The following GALNTL6 variants were observed in gnomAD, a reference collection of about 807,000 sequenced individuals.
The protein encoded by GALNTL6 is polypeptide N-acetylgalactosaminyltransferase like 6.
Under a neutral mutation model 73.7 loss-of-function variants are expected in GALNTL6, and 46 were observed. The observed-to-expected ratio is 0.62, with a 90% confidence interval of 0.49 to 0.80. The LOEUF (loss-of-function observed/expected upper bound fraction) is 0.80. GALNTL6 is among the 30% of genes least tolerant of loss of function. GALNTL6 has a pLI of 0.00. For missense variants in GALNTL6, 604 were observed against 755.0 expected, an observed-to-expected ratio of 0.80 and a Z score of 2.34; for synonymous variants, 259 against 263.7, an observed-to-expected ratio of 0.98 and a Z score of 0.17.
intron 2 of GALNTL6, among the ~76,000 whole-genome samples, chr4:171,965,409 C>G (rs1739355515): frequency 6.6e-6 from 1 of 152,014 alleles, no homozygotes; most frequent in African/African-American, 2.4e-5. Flanking sequence ...GTAATCCCAG[C>G]ACTTTGGGAA....
chr4:172,557,016 G>A (rs922306272), intron 5 of GALNTL6, among the ~76,000 whole-genome samples: 5 of 152,092 alleles, frequency 3.3e-5, no homozygotes, highest in Non-Finnish European at 5.9e-5. Context: ...TTCCCAAACT[G>A]TTCTCCACAG....
At chr4:172,968,292 G>A (rs2126399715) in intron 10 of GALNTL6, among the ~76,000 whole-genome samples, 1 of 152,296 alleles carries the variant, frequency 6.6e-6, no homozygotes, top group East Asian at 1.9e-4. Context: ...CGCCCAATAG[G>A]AGAAGAGCCT....
chr4:172,637,875 T>C (rs945375403), intron 5 of GALNTL6, among the ~76,000 whole-genome samples: 7 of 152,148 alleles, frequency 4.6e-5, no homozygotes, highest in Admixed American at 3.3e-4. Context: ...TTTCCCATGC[T>C]TTAATCTCCT....
rs182223118 is a variant in GALNTL6 at position 172,527,975 on chromosome 4, T to C, written c.553+179286T>C. The stretch of plus-strand genomic sequence containing the variant: ...TAGTTATTAAAATTTACAACTTTTA[T>C]CAACTATAGTTATATATAATTTTAT... On this transcript the variant is annotated intron_variant, in intron 5 of 12. Transcript: ENST00000506823. Among the ~76,000 whole-genome samples, 219 of 152,144 alleles carry C rather than the reference T, an allele frequency of 1.4e-3. 2 individuals carry two copies. The highest frequency in any genetic ancestry group is 1.0e-4 in the Non-Finnish European group (7 of 67,998).
intron 5 of GALNTL6, among the ~76,000 whole-genome samples, chr4:172,449,116 T>A (rs1248250165): frequency 6.6e-6 from 1 of 152,142 alleles, no homozygotes; most frequent in East Asian, 1.9e-4. Flanking sequence ...TTTGGGCTTC[T>A]TTTTTACAAT....
chr4:172,190,709 C>T (rs1384271491), intron 2 of GALNTL6, among the ~76,000 whole-genome samples: 1 of 152,092 alleles, frequency 6.6e-6, no homozygotes, highest in Non-Finnish European at 1.5e-5. Context: ...TGTTTTATTC[C>T]CCAAAGCAAC....
intron 5 of GALNTL6, among the ~76,000 whole-genome samples, chr4:172,573,953 C>G (rs796589565): frequency 2.0e-5 from 3 of 152,104 alleles, no homozygotes; most frequent in African/African-American, 7.2e-5. Flanking sequence ...TACATTGCCC[C>G]TTGTTCACTG....
chr4:172,524,168 CAT>C (rs1481823011), intron 5 of GALNTL6, among the ~76,000 whole-genome samples: 1 of 152,092 alleles, frequency 6.6e-6, no homozygotes, highest in African/African-American at 2.4e-5. Flanking sequence ...TTTTGCTCAG[CAT>C]ATGTTTGTGA....
chr4:172,723,749 T>C (rs1393528835), intron 5 of GALNTL6, among the ~76,000 whole-genome samples: 5 of 150,854 alleles, frequency 3.3e-5, no homozygotes. Context: ...AATGTGTAGG[T>C]ATTATGTATT....
rs747276938 is a variant in GALNTL6, at chr4:172,610,261, G to T, written c.554-199100G>T. Reference sequence around the variant, plus strand: ...AGTTGGTCTGCTGTTGTTTATCTAGGTCCTCTAGGAACACCTAGAGTGTGA... The same window carrying T: ...AGTTGGTCTGCTGTTGTTTATCTAGTTCCTCTAGGAACACCTAGAGTGTGA... On this transcript the variant is annotated intron_variant, in intron 5 of 12. Transcript: ENST00000506823. 2.6e-5 allele frequency among the ~76,000 whole-genome samples: 4 copies of T among 151,512 alleles called. No individual in the cohort carries two copies. The South Asian group carries it at 8.3e-4, about 31-fold the overall frequency.
intron 2 of GALNTL6, among the ~76,000 whole-genome samples, chr4:172,083,269 C>G (rs1377208943): frequency 6.6e-6 from 1 of 152,088 alleles, no homozygotes; most frequent in African/African-American, 2.4e-5. Context: ...TGTCTTTGCC[C>G]CACTTCAAGA....
intron 8 of GALNTL6, among the ~76,000 whole-genome samples, chr4:172,907,945 G>C (rs952386512): frequency 3.9e-5 from 6 of 152,160 alleles, no homozygotes; most frequent in African/African-American, 1.4e-4. Flanking sequence ...TCAGTTGCCA[G>C]AGTCATCACT....
chr4:171,894,397 T>C (rs953962814), intron 2 of GALNTL6, among the ~76,000 whole-genome samples: 4 of 152,160 alleles, frequency 2.6e-5, no homozygotes, highest in Non-Finnish European at 5.9e-5. Context: ...AATATTAGAA[T>C]ATGTACAGCA....
intron 5 of GALNTL6, among the ~76,000 whole-genome samples, chr4:172,705,191 T>C (rs1293266689): frequency 6.7e-6 from 1 of 148,492 alleles, no homozygotes; most frequent in Non-Finnish European, 1.5e-5. Context: ...TTATTATTAA[T>C]AGGTAAGGAC....
At chr4:171,952,541 T>G (rs1230172179) in intron 2 of GALNTL6, among the ~76,000 whole-genome samples, 1 of 152,090 alleles carries the variant, frequency 6.6e-6, no homozygotes, top group Non-Finnish European at 1.5e-5. Context: ...CAAGTTCAAT[T>G]TTTTAGGGAT....
intron 2 of GALNTL6, among the ~76,000 whole-genome samples, chr4:171,857,590 T>A (rs1016273976): frequency 6.6e-6 from 1 of 152,158 alleles, no homozygotes; most frequent in East Asian, 1.9e-4. Flanking sequence ...GGAACATAGT[T>A]GATTCATCAA....
At chr4:172,947,999 CA>C in intron 9 of GALNTL6, among the ~76,000 whole-genome samples, 1 of 152,292 alleles carries the variant, frequency 6.6e-6, no homozygotes, top group Non-Finnish European at 1.5e-5. Flanking sequence ...TTTATGATTC[CA>C]GTGACAAACT....
At chr4:172,300,438 G>A (rs1213551263) in intron 3 of GALNTL6, among the ~76,000 whole-genome samples, 5 of 152,102 alleles carry the variant, frequency 3.3e-5, no homozygotes, top group African/African-American at 7.2e-5. Flanking sequence ...TATTTTGCTC[G>A]TTAGTTGATG....
chr4:171,920,661 TACAA>T (rs1280097830), intron 2 of GALNTL6, among the ~76,000 whole-genome samples: 16 of 152,140 alleles, frequency 1.1e-4, no homozygotes, highest in Admixed American at 3.3e-4. Flanking sequence ...ACAATAAAAA[TACAA>T]ACAAATAGAA....
Sources: allele counts gnomAD v4.1 joint callset (sites outside exome capture counted in the v4.1 genomes callset), GRCh38; gene constraint gnomAD v4.1.1; transcripts MANE v1.5; gene names NCBI Gene and HGNC (gene_info 2026-07-23, HGNC 2026-07-21).